TLN2: variants seen among roughly 807,000 people sequenced by gnomAD.
TLN2 encodes talin-2.
TLN2 carries 118 observed loss-of-function variants against 294.7 expected under a neutral mutation model. The observed-to-expected ratio is 0.40, with a 90% CI of 0.34 to 0.47. The LOEUF is 0.47. Ranked by LOEUF, TLN2 falls within the 20% of genes least tolerant of loss-of-function variation. TLN2 has a pLI of 0.84. For missense variants in TLN2, 3,083 were observed against 3,282.2 expected, an observed-to-expected ratio of 0.94 and a Z score of 1.48; for synonymous variants, 1,431 against 1,304.5, an observed-to-expected ratio of 1.10 and a Z score of -2.09.
chr15:62,747,940 G>A (rs888329585), intron 32 of TLN2, among the ~76,000 whole-genome samples: 3 of 152,140 alleles, frequency 2.0e-5, no homozygotes, highest in Non-Finnish European at 4.4e-5. Context: ...TCGTCACATT[G>A]AGTAGGCAGC....
At chr15:62,554,017 C>G (rs144216926) in intron 1 of TLN2, among the ~76,000 whole-genome samples, 1 of 151,088 alleles carries the variant, frequency 6.6e-6, no homozygotes, top group East Asian at 1.9e-4. Flanking sequence ...TTTTCTTTCA[C>G]TAGACTTGAC....
intron 47 of TLN2, among the ~76,000 whole-genome samples, chr15:62,796,732 C>T (rs533980535): frequency 7.9e-5 from 12 of 152,334 alleles, no homozygotes; most frequent in African/African-American, 2.6e-4. Flanking sequence ...TGAAACCTCA[C>T]CACATGTCCT....
chr15:62,421,467 G>A (rs1333527438), intron 1 of TLN2, among the ~76,000 whole-genome samples: 1 of 152,176 alleles, frequency 6.6e-6, no homozygotes, highest in Non-Finnish European at 1.5e-5. Context: ...CTTAAAATGA[G>A]TGTTGTTCGT....
intron 19 of TLN2, among the ~76,000 whole-genome samples, chr15:62,705,676 T>C (rs1253891969): frequency 6.6e-6 from 1 of 152,256 alleles, no homozygotes; most frequent in East Asian, 1.9e-4. Flanking sequence ...AAAATCTTTT[T>C]AATAATTTGT....
chr15:62,722,386 G>A lies in TLN2; in HGVS notation c.3025G>A (p.Ala1009Thr), dbSNP rs113672570. The A allele has an allele frequency of 1.4e-4, 220 of 1,612,662 alleles. 2 individuals carry two copies. Among genetic ancestry groups the A allele is most frequent in the South Asian group, 1.2e-3 (111 of 90,912 alleles). ...CAAGATGGTGTCCTCTGCCAAAGCCGCAGTGCCCACCGTGAGTGACCAGGC... is the reference window on the plus strand; with the variant it reads ...CAAGATGGTGTCCTCTGCCAAAGCCACAGTGCCCACCGTGAGTGACCAGGC... ...GSKMVSSAKAAVPTVSDQAAA... is the reference protein window; with the variant it reads ...GSKMVSSAKATVPTVSDQAAA... The change falls in exon 26 of 59, where the codon GCA becomes ACA. Residue 1009 changes from alanine (A) to threonine (T), a missense_variant. Transcript: ENST00000636159.
chr15:62,801,043 A>G (rs1345439107), intron 50 of TLN2, among the ~76,000 whole-genome samples: 1 of 152,232 alleles, frequency 6.6e-6, no homozygotes, highest in Non-Finnish European at 1.5e-5. Context: ...GCACGAGATC[A>G]AAGCATTGTC....
chr15:62,514,061 C>T (rs1393323892), intron 1 of TLN2, among the ~76,000 whole-genome samples: 1 of 152,252 alleles, frequency 6.6e-6, no homozygotes, highest in Non-Finnish European at 1.5e-5. Context: ...AAAGACACAA[C>T]TTTCTAGTTT....
At chr15:62,620,386 A>G (rs1000463631) in intron 3 of TLN2, among the ~76,000 whole-genome samples, 1 of 152,194 alleles carries the variant, frequency 6.6e-6, no homozygotes, top group Non-Finnish European at 1.5e-5. Flanking sequence ...GAAAAACTTA[A>G]TCTGAACCTT....
At chr15:62,717,412 C>T (rs375911910) in intron 23 of TLN2, among the ~76,000 whole-genome samples, 164 bp from the exon 24 acceptor site, 5 of 152,256 alleles carry the variant, frequency 3.3e-5, no homozygotes, top group South Asian at 2.1e-4. Context: ...AGGAAGATAG[C>T]GTGTTGTAAG....
chr15:62,793,820 C>G (rs1482212640), intron 46 of TLN2, among the ~76,000 whole-genome samples: 1 of 113,330 alleles, frequency 8.8e-6, no homozygotes, highest in South Asian at 3.1e-4. Context: ...AGAGCTCTGT[C>G]CTGTTTAGAA....
chr15:62,560,840 AC>A (rs112166726), intron 1 of TLN2, among the ~76,000 whole-genome samples: 9 of 152,284 alleles, frequency 5.9e-5, no homozygotes, highest in African/African-American at 2.2e-4. Context: ...ACAGTGTGTC[AC>A]CCCTTTCCAC....
At chr15:62,495,291 CTTT>C (rs2038959814) in intron 1 of TLN2, among the ~76,000 whole-genome samples, 1 of 152,154 alleles carries the variant, frequency 6.6e-6, no homozygotes, top group African/African-American at 2.4e-5. Flanking sequence ...GTTGCTGCTT[CTTT>C]TTGTTTTTGT....
At chr15:62,816,151 T>G (rs1004135151) in intron 52 of TLN2, among the ~76,000 whole-genome samples, 3 of 152,346 alleles carry the variant, frequency 2.0e-5, no homozygotes, top group African/African-American at 4.8e-5. Context: ...AGAATTCAGT[T>G]AACTCTCAAC....
At chr15:62,751,730 G>T (rs1344185088) in intron 34 of TLN2, among the ~76,000 whole-genome samples, 1 of 152,214 alleles carries the variant, frequency 6.6e-6, no homozygotes, top group African/African-American at 2.4e-5. Flanking sequence ...CCTTGTACAG[G>T]ATGCATGACC....
chr15:62,776,921 G>A lies in TLN2; in HGVS notation c.5514+11G>A, dbSNP rs1405396942. ...GAAGCCATGAGCAAGGTGGGCATGGGCTCTAGGGCTCTCTACTCCCTTATC... is the reference window on the plus strand; with the variant it reads ...GAAGCCATGAGCAAGGTGGGCATGGACTCTAGGGCTCTCTACTCCCTTATC... On this transcript the variant is annotated intron_variant, in intron 43 of 58. Coordinates refer to ENST00000636159, the MANE Select transcript of TLN2 (RefSeq NM_015059.3). The A allele has an allele frequency of 9.9e-6, 15 of 1,514,584 alleles. No homozygotes were observed. Among genetic ancestry groups the A allele is most frequent in the African/African-American group, 2.8e-5 (2 of 71,104 alleles). 93.8% of individuals were successfully genotyped at this position (1,514,584 alleles called of 1,614,324 possible).
At chr15:62,465,104 GTTTTTTTTT>G (rs57890839) in intron 1 of TLN2, among the ~76,000 whole-genome samples, 2 of 85,514 alleles carry the variant, frequency 2.3e-5, no homozygotes, top group African/African-American at 4.5e-5. Flanking sequence ...TGGTGAGCGC[GTTTTTTTTT>G]TTTTTTTTTT....
intron 1 of TLN2, among the ~76,000 whole-genome samples, chr15:62,491,011 GA>G (rs2038674485): frequency 6.6e-6 from 1 of 152,154 alleles, no homozygotes. Flanking sequence ...ACATTTTACA[GA>G]AACATAAGAC....
At chr15:62,733,305 CT>C (rs2060830906) in intron 28 of TLN2, among the ~76,000 whole-genome samples, 2 of 152,098 alleles carry the variant, frequency 1.3e-5, no homozygotes, top group Non-Finnish European at 2.9e-5. Flanking sequence ...CACTATTCTC[CT>C]TGTTGAAGGC....
At chr15:62,598,705 C>A (rs1287341923) in intron 2 of TLN2, among the ~76,000 whole-genome samples, 1 of 151,276 alleles carries the variant, frequency 6.6e-6, no homozygotes, top group Non-Finnish European at 1.5e-5. Flanking sequence ...GAAAGATAAT[C>A]AACTTTTCTC....
Sources: allele counts gnomAD v4.1 joint callset (sites outside exome capture counted in the v4.1 genomes callset), GRCh38; gene constraint gnomAD v4.1.1; transcripts MANE v1.5; gene names NCBI Gene and HGNC (gene_info 2026-07-23, HGNC 2026-07-21).